KIAA1210: variants seen among roughly 807,000 people sequenced by gnomAD.
The protein encoded by KIAA1210 is acrosomal protein KIAA1210.
KIAA1210 carries 48 observed loss-of-function variants against 78.9 expected under a neutral mutation model. The ratio of observed to expected loss-of-function variants is 0.61; its 90% CI spans 0.48 to 0.77. KIAA1210 has a LOEUF of 0.77. Ranked by LOEUF, KIAA1210 falls within the 30% of genes least tolerant of loss-of-function variation. The pLI, the probability that KIAA1210 is intolerant of heterozygous loss-of-function variation, is 0.00. For synonymous variants in KIAA1210, 406 were observed against 404.5 expected (o/e 1.00, Z -0.04); for missense variants, 1,108 against 1,100.0 (o/e 1.01, Z -0.10).
chrX:119,101,008 C>G (rs149907161), intron 6 of KIAA1210, among the ~76,000 whole-genome samples: 2,028 of 111,992 alleles, frequency 0.018, 45 homozygotes, highest in African/African-American at 0.062. Context: ...AGAGAAGGAA[C>G]CTGGGTTGGA....
At chrX:119,113,428 G>A (rs1464461722) in intron 3 of KIAA1210, among the ~76,000 whole-genome samples, 2 of 111,863 alleles carry the variant, frequency 1.8e-5, no homozygotes, top group East Asian at 5.5e-4. Flanking sequence ...AACATAGTAA[G>A]TGAAAGGAAG....
intron 8 of KIAA1210, among the ~76,000 whole-genome samples, 167 bp downstream of exon 8, chrX:119,093,500 T>A (rs1295970804): frequency 8.9e-6 from 1 of 112,076 alleles, no homozygotes; most frequent in Non-Finnish European, 1.9e-5. Flanking sequence ...ACTTTGGCAG[T>A]TTAGATGGAG....
Position 119,085,497 on chromosome X carries a change from C to A in KIAA1210, c.4206G>T (p.Trp1402Cys), listed in dbSNP as rs1927102378. Reference protein sequence around the residue: ...QSDYAVSEPVWITMAKQKQKS... With the variant: ...QSDYAVSEPVCITMAKQKQKS... ...TCTGCTTCTGCTTTGCCATAGTTATCCAAACCGGCTCTGAGACAGCATAAT... is the reference window on the plus strand; with the variant it reads ...TCTGCTTCTGCTTTGCCATAGTTATACAAACCGGCTCTGAGACAGCATAAT... Residue 1402 changes from tryptophan to cysteine, a missense_variant, in exon 10 of 12, where the codon TGG becomes TGT. Physicochemically the swap from Trp to Cys is radical, Grantham distance 215 (BLOSUM62 -2). Transcript: ENST00000691062. 8.3e-7 allele frequency: 1 copy of A among 1,211,191 alleles called. No individual in the cohort carries two copies. The highest frequency in any genetic ancestry group is 1.1e-6 in the Non-Finnish European group (1 of 895,157).
chrX:119,099,569 G>T (rs1245509267), intron 6 of KIAA1210, among the ~76,000 whole-genome samples: 1 of 112,375 alleles, frequency 8.9e-6, no homozygotes, highest in Non-Finnish European at 1.9e-5. Flanking sequence ...CAGGATCTCT[G>T]TTGTTAGGTT....
At chrX:119,128,768 C>T (rs868372406), upstream of KIAA1210, among the ~76,000 whole-genome samples, 2 of 111,286 alleles carry the variant, frequency 1.8e-5, no homozygotes, top group African/African-American at 3.3e-5. Context: ...CTCCGCCACC[C>T]GGGTTCAAGT....
intron 2 of KIAA1210, among the ~76,000 whole-genome samples, chrX:119,139,819 G>C (rs1287023090): frequency 1.8e-5 from 2 of 111,940 alleles, no homozygotes; most frequent in African/African-American, 6.5e-5. Context: ...ACAGATGAAG[G>C]TATTTTTCTT....
Position 119,079,998 on chromosome X carries a change from G to T in KIAA1210, c.*1331C>A, listed in dbSNP as rs376819835. 37 of 111,930 alleles carry T rather than the reference G, an allele frequency of 3.3e-4. No individual in the cohort carries two copies. Among genetic ancestry groups the T allele is most frequent in the African/African-American group, 1.2e-3 (36 of 30,772 alleles). The allele number at this position is 111,930 out of a possible 1,213,427, so 9.2% of individuals were successfully genotyped here. A position where few individuals can be genotyped will look rare whatever the true frequency, so the allele number is the denominator to read the frequency against. On this transcript the variant is annotated 3_prime_UTR_variant, in exon 12 of 12. Coordinates refer to ENST00000691062, the MANE Select transcript of KIAA1210 (RefSeq NM_001394962.1). ...CCACCTTAATGCTGGAACCAGAGAGGAAGGAGCTCCAGTGGCTCCAGATGT... is the reference window on the plus strand; with the variant it reads ...CCACCTTAATGCTGGAACCAGAGAGTAAGGAGCTCCAGTGGCTCCAGATGT...
rs748250132 is a variant in KIAA1210 at position 119,087,309 on chromosome X, C to T, written c.3393G>A (p.Glu1131=). ...LSQALRKPEY[E]QKVSPVSASS... ...TGGCAGAAACAGGGGAGACTTTTTG[C>T]TCATACTCAGGTTTCCTCAAGGCCT... The change falls in exon 9 of 12, where the codon GAG becomes GAA. Residue 1131 remains glutamate, a synonymous_variant. Transcript: ENST00000691062. 35 of 1,209,091 alleles carry T rather than the reference C, an allele frequency of 2.9e-5. No homozygotes were observed. In the Admixed American group the frequency reaches 7.7e-4, roughly 26 times the overall value.
chrX:119,124,518 C>A (rs764919623), intron 1 of KIAA1210, among the ~76,000 whole-genome samples: 1 of 112,018 alleles, frequency 8.9e-6, no homozygotes, highest in East Asian at 2.8e-4. Context: ...TTACTATTCA[C>A]GGGTGTGCCC....
At chrX:119,148,943 G>C (rs1929227923) in intron 1 of KIAA1210, among the ~76,000 whole-genome samples, 1 of 110,207 alleles carries the variant, frequency 9.1e-6, no homozygotes, top group Admixed American at 9.7e-5. Context: ...TGAATTTCAA[G>C]GCCTATTGGG....
At chrX:119,136,503 T>C (rs980025307) in intron 2 of KIAA1210, among the ~76,000 whole-genome samples, 1 of 111,069 alleles carries the variant, frequency 9.0e-6, no homozygotes, top group African/African-American at 3.3e-5. Flanking sequence ...GCTGATGTCT[T>C]TGTCCCCAGA....
chrX:119,148,827 C>T (rs1339619721), intron 1 of KIAA1210, among the ~76,000 whole-genome samples: 1 of 111,337 alleles, frequency 9.0e-6, no homozygotes, highest in Non-Finnish European at 1.9e-5. Flanking sequence ...CCAGACATTT[C>T]AAACATCTCC....
At chrX:119,131,357 C>T (rs143616079), upstream of KIAA1210, among the ~76,000 whole-genome samples, 19 of 111,117 alleles carry the variant, frequency 1.7e-4, no homozygotes, top group African/African-American at 5.9e-4. Context: ...TGCGCATGGA[C>T]ATAAAGATGG....
At position 119,088,772 on chromosome X, in the gene KIAA1210, T is replaced by C; in HGVS notation, c.1930A>G (p.Ser644Gly). ...DEQEVFSESK[S>G]FVEDLSSSEE... ...GAGCTGCTCAAGTCCTCAACAAAAC[T>C]TTTTGATTCTGAGAAGACTTCTTGT... is the stretch of plus-strand genomic sequence containing the variant. The change falls in exon 9 of 12, where the codon AGT (serine) becomes GGT (glycine). Residue 644 changes from serine to glycine, a missense_variant. Transcript: ENST00000691062. The C allele has an allele frequency of 8.3e-7, 1 of 1,211,377 alleles. No homozygotes were observed.
chrX:119,086,471 T>TGGCAAA (rs1927135989), intron 9 of KIAA1210, 75 bp downstream of exon 9: 33 of 952,989 alleles, frequency 3.5e-5, no homozygotes, highest in Non-Finnish European at 4.6e-5. Context: ...TAGACTTTAA[T>TGGCAAA]GCCCATTCAA....
chrX:119,133,348 G>A (rs1041132310), intron 2 of KIAA1210, among the ~76,000 whole-genome samples: 1 of 111,493 alleles, frequency 9.0e-6, no homozygotes, highest in African/African-American at 3.3e-5. Context: ...CCTACTCCAC[G>A]AGTCCACCAG....
chrX:119,088,185 C>T lies in KIAA1210; in HGVS notation c.2517G>A (p.Glu839=). The change falls in exon 9 of 12, where the codon GAG becomes GAA. Residue 839 remains glutamate, a synonymous_variant. Transcript: ENST00000691062. ...DIAVERVISV[E]PLLPRYSPQS... ...GAGGAGAATATCTGGGGAGTAGTGG[C>T]TCCACAGAAATGACTCTCTCAACAG... 1 of 1,211,250 alleles carries T rather than the reference C, an allele frequency of 8.3e-7. No individual in the cohort carries two copies. The highest frequency in any genetic ancestry group is 1.1e-6 in the Non-Finnish European group (1 of 895,095).
chrX:119,087,601 G>T lies in KIAA1210; in HGVS notation c.3101C>A (p.Ala1034Asp). 1.7e-6 allele frequency: 2 copies of T among 1,211,286 alleles called. No homozygotes were observed. Among genetic ancestry groups the T allele is most frequent in the Non-Finnish European group, 2.2e-6 (2 of 895,133 alleles). ...MAQQIFSESSALKRGSDVAPL... is the reference protein window; with the variant it reads ...MAQQIFSESSDLKRGSDVAPL... Reference sequence around the variant, plus strand: ...TGCCACATCACTGCCCCTCTTAAGAGCAGAGCTCTCTGAAAAGATTTGCTG... The same window carrying T: ...TGCCACATCACTGCCCCTCTTAAGATCAGAGCTCTCTGAAAAGATTTGCTG... The change falls in exon 9 of 12, where the codon GCT becomes GAT. Residue 1034 changes from alanine (A) to aspartate (D), a missense_variant. Ala to Asp is a moderately radical substitution (Grantham distance 126). Coordinates refer to ENST00000691062, the MANE Select transcript of KIAA1210 (RefSeq NM_001394962.1).
chrX:119,098,263 G>A (rs1460096441), intron 6 of KIAA1210, among the ~76,000 whole-genome samples: 1 of 111,819 alleles, frequency 8.9e-6, no homozygotes, highest in Non-Finnish European at 1.9e-5. Context: ...CTTCCCCCAT[G>A]TCCATGTGGC....
Sources: allele counts gnomAD v4.1 joint callset (sites outside exome capture counted in the v4.1 genomes callset), GRCh38; gene constraint gnomAD v4.1.1; transcripts MANE v1.5; gene names NCBI Gene and HGNC (gene_info 2026-07-23, HGNC 2026-07-21).